Variants in SLIT2 observed in about 807,000 individuals in gnomAD.
SLIT2 encodes the protein slit guidance ligand 2, also known as slit homolog 2 protein.
In SLIT2, 41 loss-of-function variants were observed where a neutral mutation model predicts 185.7. That is an observed-to-expected ratio of 0.22 (90% CI 0.17 to 0.29). The LOEUF is 0.29. Ranked by LOEUF, SLIT2 falls within the 10% of genes least tolerant of loss-of-function variation. SLIT2 has a pLI of 1.00. For synonymous variants in SLIT2, 693 were observed against 680.2 expected, an observed-to-expected ratio of 1.02 and a Z score of -0.29; for missense variants, 1,571 against 1,909.0, an observed-to-expected ratio of 0.82 and a Z score of 3.30.
At chr4:20,295,557 A>C (rs184348460) in intron 4 of SLIT2, among the ~76,000 whole-genome samples, 2 of 152,178 alleles carry the variant, frequency 1.3e-5, no homozygotes, top group African/African-American at 4.8e-5. Flanking sequence ...CTTAGTAGTA[A>C]GTCAATCCAA....
intron 4 of SLIT2, among the ~76,000 whole-genome samples, chr4:20,338,186 G>A (rs1720664849): frequency 6.6e-6 from 1 of 152,096 alleles, no homozygotes; most frequent in Non-Finnish European, 1.5e-5. Context: ...TCCTGACAGG[G>A]TTTCTTATAA....
At chr4:20,604,103 G>A (rs527590556) in intron 33 of SLIT2, among the ~76,000 whole-genome samples, 28 of 152,198 alleles carry the variant, frequency 1.8e-4, no homozygotes, top group African/African-American at 4.6e-4. Flanking sequence ...GTCGGCTCAC[G>A]ATATTGAGTA....
intron 8 of SLIT2, among the ~76,000 whole-genome samples, chr4:20,490,455 G>GTGTA (rs1553912051): frequency 1.3e-5 from 2 of 151,214 alleles, no homozygotes; most frequent in South Asian, 2.1e-4. Context: ...GGGTGTGTGT[G>GTGTA]TATATATATA....
At chr4:20,547,556 C>T (rs1417754960) in intron 22 of SLIT2, among the ~76,000 whole-genome samples, 2 of 151,858 alleles carry the variant, frequency 1.3e-5, no homozygotes, top group African/African-American at 4.8e-5. Flanking sequence ...ATTTTACTGA[C>T]ATTTTGATAT....
intron 4 of SLIT2, among the ~76,000 whole-genome samples, chr4:20,285,962 T>C (rs1423518198): frequency 6.6e-6 from 1 of 152,196 alleles, no homozygotes; most frequent in African/African-American, 2.4e-5. Flanking sequence ...GAGAACATGA[T>C]CCAGAGGCTC....
chr4:20,386,188 A>G (rs945397044), intron 4 of SLIT2, among the ~76,000 whole-genome samples: 12 of 152,178 alleles, frequency 7.9e-5, no homozygotes, highest in Non-Finnish European at 1.5e-4. Context: ...ATGTAATTGT[A>G]TTAAGCTGAA....
At chr4:20,304,098 A>T (rs1289335268) in intron 4 of SLIT2, among the ~76,000 whole-genome samples, 1 of 152,150 alleles carries the variant, frequency 6.6e-6, no homozygotes, top group Non-Finnish European at 1.5e-5. Context: ...TCTCCTGCAG[A>T]GTTTTAGCTA....
intron 9 of SLIT2, among the ~76,000 whole-genome samples, chr4:20,496,309 A>C (rs2148805064): frequency 6.6e-6 from 1 of 152,334 alleles, no homozygotes; most frequent in Non-Finnish European, 1.5e-5. Flanking sequence ...ATATTCCTTT[A>C]AAGTCAGAAT....
chr4:20,489,855 G>C (rs1366376854), intron 8 of SLIT2: 1 of 152,290 alleles, frequency 6.6e-6, no homozygotes, highest in Non-Finnish European at 1.5e-5. Context: ...TTGGGAGGCT[G>C]AGGCGGGCGG....
chr4:20,447,366 A>C (rs958566006), intron 4 of SLIT2, among the ~76,000 whole-genome samples: 1 of 152,180 alleles, frequency 6.6e-6, no homozygotes, highest in Admixed American at 6.5e-5. Context: ...TAGAGGAGGC[A>C]GAGGTTCTCA....
rs562240250 is a variant in SLIT2, at chr4:20,385,692, A to C, written c.396-82060A>C. Among the ~76,000 whole-genome samples the C allele has an allele frequency of 3.9e-5, 6 of 152,318 alleles. No individual in the cohort carries two copies. The East Asian group carries it at 1.2e-3, about 29-fold the overall frequency. On this transcript the variant is annotated intron_variant, in intron 4 of 36. Coordinates refer to ENST00000504154, the MANE Select transcript of SLIT2 (RefSeq NM_004787.4). ...TGCAAACCCAAGAGCACATACCAGC[A>C]CTTAGGAACTTCTTAATTAAAATTC...
At chr4:20,496,220 T>G in intron 9 of SLIT2, among the ~76,000 whole-genome samples, 1 of 152,204 alleles carries the variant, frequency 6.6e-6, no homozygotes, top group Non-Finnish European at 1.5e-5. Context: ...ACTCATTTTT[T>G]CTGCTTTCTG....
intron 4 of SLIT2, among the ~76,000 whole-genome samples, chr4:20,459,177 TA>T (rs1005284395): frequency 2.0e-5 from 3 of 150,266 alleles, no homozygotes; most frequent in Non-Finnish European, 4.4e-5. Flanking sequence ...CAATAATCCC[TA>T]AAAAAAACCT....
intron 33 of SLIT2, among the ~76,000 whole-genome samples, chr4:20,607,821 G>C (rs1461298720): frequency 6.6e-6 from 1 of 152,048 alleles, no homozygotes; most frequent in Non-Finnish European, 1.5e-5. Flanking sequence ...TATTAAGGTT[G>C]ATGTTGATAG....
In SLIT2 at chr4:20,478,712, A is replaced by C. The variant is rs28624828; in HGVS notation, c.468-2004A>C. Among the ~76,000 whole-genome samples the C allele has an allele frequency of 3.2e-3, 494 of 152,350 alleles. 4 individuals carry two copies. The highest frequency in any genetic ancestry group is 0.011 in the African/African-American group (472 of 41,590). On this transcript the variant is annotated intron_variant, in intron 5 of 36. Coordinates refer to ENST00000504154, the MANE Select transcript of SLIT2 (RefSeq NM_004787.4). ...TAAAAGATTTTGCCGATTTGTCTGG[A>C]AACAATTTCTCTTTTGTAGTGTGTC...
chr4:20,446,729 G>A (rs1017962388), intron 4 of SLIT2, among the ~76,000 whole-genome samples: 1 of 152,138 alleles, frequency 6.6e-6, no homozygotes, highest in African/African-American at 2.4e-5. Flanking sequence ...TTTAGGTACA[G>A]AATATTGCAA....
intron 4 of SLIT2, among the ~76,000 whole-genome samples, chr4:20,344,814 A>G (rs1414049927): frequency 6.6e-6 from 1 of 152,150 alleles, no homozygotes; most frequent in African/African-American, 2.4e-5. Flanking sequence ...GCTTCTGAAA[A>G]TCATTTTCTC....
chr4:20,513,297 CT>C (rs1197744965), intron 11 of SLIT2, among the ~76,000 whole-genome samples: 1 of 152,132 alleles, frequency 6.6e-6, no homozygotes, highest in Non-Finnish European at 1.5e-5. Flanking sequence ...AGTGGAATAC[CT>C]GCATAATACT....
chr4:20,467,980 C>A (rs1456584443), intron 5 of SLIT2, among the ~76,000 whole-genome samples, 157 bp downstream of exon 5: 1 of 152,104 alleles, frequency 6.6e-6, no homozygotes, highest in African/African-American at 2.4e-5. Flanking sequence ...CAATTGTTTT[C>A]ACAAGCTGTT....
Sources: allele counts gnomAD v4.1 joint callset (sites outside exome capture counted in the v4.1 genomes callset), GRCh38; gene constraint gnomAD v4.1.1; transcripts MANE v1.5; gene names NCBI Gene and HGNC (gene_info 2026-07-23, HGNC 2026-07-21).